The following SLC7A14 variants were observed in gnomAD, a reference collection of about 807,000 sequenced individuals.
The protein encoded by SLC7A14 is solute carrier family 7 member 14.
Under a neutral mutation model 60.2 loss-of-function variants are expected in SLC7A14, and 37 were observed. The observed-to-expected ratio is 0.61, with a 90% CI of 0.47 to 0.81. The LOEUF is 0.81. Ranked by LOEUF, SLC7A14 falls within the 30% of genes least tolerant of loss-of-function variation. SLC7A14 has a pLI of 0.00. For missense variants in SLC7A14, 886 were observed against 982.7 expected (o/e 0.90, Z 1.32); for synonymous variants, 399 against 395.8 (o/e 1.01, Z -0.10).
At position 170,526,930 on chromosome 3, in the gene SLC7A14, C is replaced by T; in HGVS notation, c.7G>A (p.Gly3Ser). The change falls in exon 2 of 8, where the codon GGC becomes AGC. Residue 3 changes from glycine (G) to serine (S), a missense_variant. Coordinates refer to ENST00000231706, the MANE Select transcript of SLC7A14 (RefSeq NM_020949.3). Reference protein sequence around the residue: MSGFFTSLDPRRV... With the variant: MSSFFTSLDPRRV... ...CGGGGGTCCAGCGAGGTGAAGAAGC[C>T]ACTCATCTTGAGCGATAGGGGATGC... is the stretch of plus-strand genomic sequence containing the variant. 6.2e-7 allele frequency: 1 copy of T among 1,612,592 alleles called. No homozygotes were observed. Among genetic ancestry groups the T allele is most frequent in the Non-Finnish European group, 8.5e-7 (1 of 1,179,432 alleles).
chr3:170,582,587 A>G (rs1715266363), intron 1 of SLC7A14, among the ~76,000 whole-genome samples: 1 of 152,208 alleles, frequency 6.6e-6, no homozygotes, highest in Admixed American at 6.5e-5. Flanking sequence ...GTGAAGGTAC[A>G]ATAGAAGTTA....
At chr3:170,583,971 G>A (rs1173616740) in intron 1 of SLC7A14, among the ~76,000 whole-genome samples, 1 of 152,132 alleles carries the variant, frequency 6.6e-6, no homozygotes, top group Admixed American at 6.5e-5. Context: ...CAGCTATTCA[G>A]AGCCAAATAC....
At chr3:170,482,740 C>G (rs762799465) in intron 6 of SLC7A14, among the ~76,000 whole-genome samples, 1 of 152,198 alleles carries the variant, frequency 6.6e-6, no homozygotes, top group Non-Finnish European at 1.5e-5. Flanking sequence ...TGTTTCACCT[C>G]TCTGAGTCCT....
intron 4 of SLC7A14, chr3:170,496,460 G>T: frequency 7.7e-7 from 1 of 1,296,412 alleles, no homozygotes. Flanking sequence ...AGCGTGGGGA[G>T]CTGGCCGTTA....
rs143185701 is a variant in SLC7A14 at position 170,581,965 on chromosome 3, A to G, written c.-153+3946T>C. Among the ~76,000 whole-genome samples the G allele has an allele frequency of 3.0e-3, 452 of 152,322 alleles. 3 individuals are homozygous for G. Among genetic ancestry groups the G allele is most frequent in the African/African-American group, 0.01 (434 of 41,576 alleles). On this transcript the variant is annotated intron_variant, in intron 1 of 7. Coordinates refer to ENST00000231706, the MANE Select transcript of SLC7A14 (RefSeq NM_020949.3). ...ATGTTATTACATATACATGTAATCT[A>G]TAAACTTGGATTTTGAATTGGAACT...
intron 2 of SLC7A14, among the ~76,000 whole-genome samples, chr3:170,520,917 A>G (rs895033008): frequency 1.3e-5 from 2 of 152,222 alleles, no homozygotes; most frequent in Non-Finnish European, 2.9e-5. Context: ...ACTACATTAG[A>G]GAACCTCTGT....
At chr3:170,515,328 A>AT (rs1560266061) in intron 2 of SLC7A14, among the ~76,000 whole-genome samples, 33 of 136,124 alleles carry the variant, frequency 2.4e-4, no homozygotes, top group Non-Finnish European at 3.0e-4. Flanking sequence ...CCCAAAAAAA[A>AT]AATATATATA....
In SLC7A14 at chr3:170,502,462, C is replaced by A. The variant is rs112435291; in HGVS notation, c.305-1117G>T. On this transcript the variant is annotated intron_variant, in intron 2 of 7. Coordinates refer to ENST00000231706, the MANE Select transcript of SLC7A14 (RefSeq NM_020949.3). The stretch of plus-strand genomic sequence containing the variant: ...CAAACTTCTGGGAGTTGGGAGAGTT[C>A]CCTATTTTGTGCTAGGAATTCTGGG... Among the ~76,000 whole-genome samples the A allele has an allele frequency of 2.6e-5, 4 of 152,058 alleles. No individual in the cohort carries two copies. In the South Asian group the frequency reaches 8.3e-4, roughly 32 times the overall value.
At chr3:170,555,977 C>T (rs1409857346) in intron 1 of SLC7A14, among the ~76,000 whole-genome samples, 1 of 152,194 alleles carries the variant, frequency 6.6e-6, no homozygotes, top group Non-Finnish European at 1.5e-5. Context: ...TGGTGCCTTA[C>T]AACTCTTCTG....
chr3:170,525,931 C>T (rs1295319106), intron 2 of SLC7A14, among the ~76,000 whole-genome samples: 1 of 152,060 alleles, frequency 6.6e-6, no homozygotes, highest in Non-Finnish European at 1.5e-5. Flanking sequence ...ATTAGCCAGG[C>T]GTTGTGGTAC....
intron 7 of SLC7A14, among the ~76,000 whole-genome samples, chr3:170,469,072 C>T (rs987352041): frequency 1.3e-5 from 2 of 152,166 alleles, no homozygotes; most frequent in African/African-American, 4.8e-5. Flanking sequence ...CCACTCAGCC[C>T]ACACTATGGC....
intron 2 of SLC7A14, among the ~76,000 whole-genome samples, chr3:170,520,439 G>C (rs1713308372): frequency 2.0e-5 from 3 of 152,154 alleles, no homozygotes. Context: ...AATGAGCAAT[G>C]GGACCCAATA....
chr3:170,565,807 C>T (rs1714772952), intron 1 of SLC7A14, among the ~76,000 whole-genome samples: 1 of 151,782 alleles, frequency 6.6e-6, no homozygotes. Flanking sequence ...CCTGCTATTA[C>T]TAGAAAATGA....
chr3:170,531,722 G>T (rs927306438), intron 1 of SLC7A14, among the ~76,000 whole-genome samples: 1 of 152,164 alleles, frequency 6.6e-6, no homozygotes, highest in African/African-American at 2.4e-5. Flanking sequence ...GCTCATTGCT[G>T]TTGTCTTTCC....
chr3:170,527,739 G>A lies in SLC7A14; in HGVS notation c.-152-651C>T, dbSNP rs1048126754. The stretch of plus-strand genomic sequence containing the variant: ...GGGGAGTACTCCTGGCATCTGGGGG[G>A]AACCTGAGATGTGAGTTGTGTAGGA... On this transcript the variant is annotated intron_variant, in intron 1 of 7. Coordinates refer to ENST00000231706, the MANE Select transcript of SLC7A14 (RefSeq NM_020949.3). 2.6e-5 allele frequency among the ~76,000 whole-genome samples: 4 copies of A among 152,066 alleles called. No homozygotes were observed. The South Asian group carries it at 8.3e-4, about 32-fold the overall frequency.
chr3:170,495,782 G>A (rs1712371515), intron 4 of SLC7A14: 2 of 1,153,544 alleles, frequency 1.7e-6, no homozygotes, highest in Non-Finnish European at 2.6e-6. Flanking sequence ...TCCTGCAGCA[G>A]TAGAACAAGA....
At chr3:170,483,571 A>C in intron 5 of SLC7A14, 49 bp from the exon 6 acceptor site, 2 of 1,599,796 alleles carry the variant, frequency 1.3e-6, no homozygotes, top group Non-Finnish European at 1.7e-6. Flanking sequence ...GAAGAACAGC[A>C]TGGATAGAGG....
rs1711779731 is a variant in SLC7A14 at position 170,480,620 on chromosome 3, C to T, written c.1662G>A (p.Met554Ile). The T allele has an allele frequency of 6.2e-7, 1 of 1,614,104 alleles. No homozygotes were observed. The highest frequency in any genetic ancestry group is 8.5e-7 in the Non-Finnish European group (1 of 1,180,040). The change falls in exon 7 of 8, where the codon ATG (methionine) becomes ATA (isoleucine). Residue 554 changes from methionine to isoleucine, a missense_variant. Met to Ile is a conservative substitution (Grantham distance 10, BLOSUM62 1). Transcript: ENST00000231706. Reference protein sequence around the residue: ...MRIRLGLPGKMDRPTAATGHT... With the variant: ...MRIRLGLPGKIDRPTAATGHT... Reference sequence around the variant, plus strand: ...GCCCCGTCGCTGCTGTGGGCCGGTCCATTTTGCCTGGAAGGCCCAGCCGGA... The same window carrying T: ...GCCCCGTCGCTGCTGTGGGCCGGTCTATTTTGCCTGGAAGGCCCAGCCGGA...
intron 1 of SLC7A14, among the ~76,000 whole-genome samples, chr3:170,539,394 C>T (rs1713943865): frequency 6.6e-6 from 1 of 152,166 alleles, no homozygotes; most frequent in Non-Finnish European, 1.5e-5. Context: ...TCTGTGGTCT[C>T]TTGTACTCTT....
Sources: gnomAD v4.1 joint callset for allele counts (sites outside exome capture counted in the v4.1 genomes callset) on GRCh38, gnomAD v4.1.1 for gene constraint, MANE v1.5 for transcripts, NCBI Gene and HGNC (gene_info 2026-07-23, HGNC 2026-07-21) for gene names.